DSCAM: variants seen among roughly 807,000 people sequenced by gnomAD.
DSCAM encodes cell adhesion molecule DSCAM.
DSCAM carries 47 observed loss-of-function variants against 217.7 expected under a neutral mutation model. The observed-to-expected ratio is 0.22, with a 90% CI of 0.17 to 0.28. DSCAM has a LOEUF of 0.28. DSCAM is among the 10% of genes least tolerant of loss of function. DSCAM has a pLI of 1.00. For synonymous variants in DSCAM, 1,056 were observed against 1,015.3 expected, an observed-to-expected ratio of 1.04 and a Z score of -0.76; for missense variants, 2,080 against 2,618.3, an observed-to-expected ratio of 0.79 and a Z score of 4.49.
At chr21:40,213,509 G>C (rs1229473568) in intron 11 of DSCAM, among the ~76,000 whole-genome samples, 1 of 152,202 alleles carries the variant, frequency 6.6e-6, no homozygotes, top group Non-Finnish European at 1.5e-5. Context: ...ACCTACATGT[G>C]ACCTGGGTAT....
chr21:40,296,102 G>A lies in DSCAM; in HGVS notation c.2135C>T (p.Ser712Phe). The A allele has an allele frequency of 6.2e-7, 1 of 1,614,140 alleles. No individual in the cohort carries two copies. The highest frequency in any genetic ancestry group is 1.3e-5 in the African/African-American group (1 of 75,060). Reference protein sequence around the residue: ...IYGKAVILNCSAEGYPVPTIV... With the variant: ...IYGKAVILNCFAEGYPVPTIV... The stretch of plus-strand genomic sequence containing the variant: ...GGTAGGTACAGGGTAACCCTCAGCA[G>A]AACAATTGAGGATGACTGCTTTGCC... Residue 712 changes from serine to phenylalanine, a missense_variant, in exon 10 of 33, where the codon TCT becomes TTT. Ser to Phe is a radical substitution (Grantham distance 155, BLOSUM62 -2). Coordinates refer to ENST00000400454, the MANE Select transcript of DSCAM (RefSeq NM_001389.5).
chr21:40,797,954 A>T (rs1000712656), intron 1 of DSCAM, among the ~76,000 whole-genome samples: 2 of 152,172 alleles, frequency 1.3e-5, no homozygotes, highest in African/African-American at 4.8e-5. Context: ...GACAAAAAAA[A>T]AAAGATCCTT....
Position 40,044,229 on chromosome 21 carries a change from G to A in DSCAM, c.5232C>T (p.Asn1744=). The change falls in exon 31 of 33, where the codon AAC becomes AAT. Residue 1744 remains asparagine, a synonymous_variant. Coordinates refer to ENST00000400454, the MANE Select transcript of DSCAM (RefSeq NM_001389.5). ...TGAGGGTCCACTGGCTGGCATAGCG[G>A]TTTCTCGCTGTGGGCCCAGCCTTGG... The part of the protein sequence containing the change: ...RNAKAGPTAR[N]RYASQWTLNR... 6.2e-7 allele frequency: 1 copy of A among 1,614,186 alleles called. No homozygotes were observed. Among genetic ancestry groups the A allele is most frequent in the Non-Finnish European group, 8.5e-7 (1 of 1,180,038 alleles).
intron 3 of DSCAM, among the ~76,000 whole-genome samples, chr21:40,602,406 T>G (rs748107432): frequency 5.3e-5 from 8 of 152,192 alleles, no homozygotes; most frequent in Non-Finnish European, 1.2e-4. Context: ...GTATCATTTT[T>G]TTTCTTTAAG....
chr21:40,771,002 G>A (rs1447162872), intron 1 of DSCAM, among the ~76,000 whole-genome samples: 1 of 152,188 alleles, frequency 6.6e-6, no homozygotes, highest in Non-Finnish European at 1.5e-5. Flanking sequence ...AAGCAGCCAA[G>A]GGGATCATGG....
At chr21:40,531,600 C>A (rs2076447456) in intron 3 of DSCAM, among the ~76,000 whole-genome samples, 2 of 152,206 alleles carry the variant, frequency 1.3e-5, no homozygotes, top group African/African-American at 4.8e-5. Context: ...CAGATTCCAA[C>A]AGGAAATTCC....
chr21:40,360,421 A>C (rs1217727745), intron 4 of DSCAM, among the ~76,000 whole-genome samples: 1 of 151,968 alleles, frequency 6.6e-6, no homozygotes, highest in African/African-American at 2.4e-5. Flanking sequence ...GGTGTGAGCC[A>C]CTGTGCCTGG....
At chr21:40,531,572 G>A (rs1315994385) in intron 3 of DSCAM, among the ~76,000 whole-genome samples, 2 of 152,300 alleles carry the variant, frequency 1.3e-5, no homozygotes, top group East Asian at 3.9e-4. Context: ...TCAGGGCAAG[G>A]GTGAAGGAAG....
intron 3 of DSCAM, among the ~76,000 whole-genome samples, chr21:40,548,710 A>C (rs1025376814): frequency 2.6e-5 from 4 of 152,154 alleles, no homozygotes; most frequent in African/African-American, 9.7e-5. Context: ...CCAGGGTCAC[A>C]GCCTTTCTAC....
intron 32 of DSCAM, among the ~76,000 whole-genome samples, chr21:40,017,445 C>A (rs186338216): frequency 2.6e-5 from 4 of 152,076 alleles, no homozygotes; most frequent in Non-Finnish European, 5.9e-5. Context: ...ATGACCCCAG[C>A]GACACTGGAC....
chr21:40,610,214 C>T (rs1442728956), intron 3 of DSCAM, among the ~76,000 whole-genome samples: 1 of 152,148 alleles, frequency 6.6e-6, no homozygotes, highest in Non-Finnish European at 1.5e-5. Flanking sequence ...GAAAAAAATG[C>T]CCACATTTCT....
intron 3 of DSCAM, chr21:40,383,914 T>G (rs529013106): frequency 1.3e-5 from 2 of 152,304 alleles, no homozygotes; most frequent in East Asian, 3.9e-4. Context: ...ATGACAAAGA[T>G]TTGAGAAGTA....
rs544678650 is a variant in DSCAM at position 40,687,578 on chromosome 21, G to A, written c.508+5232C>T. ...TCCCTCCCTCCCCACATGAGAATAC[G>A]GCATCCAATCTGCTCTTAGTTCTGG... On this transcript the variant is annotated intron_variant, in intron 3 of 32. Coordinates refer to ENST00000400454, the MANE Select transcript of DSCAM (RefSeq NM_001389.5). Among the ~76,000 whole-genome samples, 7 of 152,166 alleles carry A rather than the reference G, an allele frequency of 4.6e-5. No homozygotes were observed. In the South Asian group the frequency reaches 8.3e-4, roughly 18 times the overall value.
At chr21:40,020,737 G>T (rs1220100536) in intron 32 of DSCAM, among the ~76,000 whole-genome samples, 1 of 152,148 alleles carries the variant, frequency 6.6e-6, no homozygotes, top group African/African-American at 2.4e-5. Context: ...CGCACTGCCG[G>T]TTCCTTCCCA....
chr21:40,463,564 T>C (rs1452410374), intron 3 of DSCAM, among the ~76,000 whole-genome samples: 1 of 152,194 alleles, frequency 6.6e-6, no homozygotes, highest in Non-Finnish European at 1.5e-5. Context: ...GGGCATCCTC[T>C]GTAGACCCAA....
intron 32 of DSCAM, among the ~76,000 whole-genome samples, chr21:40,018,856 A>C (rs1422523628): frequency 6.6e-6 from 1 of 152,236 alleles, no homozygotes; most frequent in Non-Finnish European, 1.5e-5. Flanking sequence ...CAGGTCTGAC[A>C]AGTATCTCTG....
rs533631372 is a variant in DSCAM, at chr21:40,670,419, T to C, written c.508+22391A>G. 2.6e-5 allele frequency among the ~76,000 whole-genome samples: 4 copies of C among 151,944 alleles called. No individual in the cohort carries two copies. In the South Asian group the frequency reaches 8.3e-4, roughly 32 times the overall value. On this transcript the variant is annotated intron_variant, in intron 3 of 32. Transcript: ENST00000400454. ...TGGGTGTGGTGGCGTGTGCCTGTAG[T>C]CCCAGCTACCCAGGAGGCTGAGGCA...
chr21:40,845,842 G>A (rs982922733), intron 1 of DSCAM, among the ~76,000 whole-genome samples: 2 of 152,092 alleles, frequency 1.3e-5, no homozygotes, highest in Admixed American at 6.6e-5. Flanking sequence ...GCAGCCTAAG[G>A]TGCAGTCACA....
chr21:40,610,678 G>A (rs1394240554), intron 3 of DSCAM, among the ~76,000 whole-genome samples: 8 of 152,092 alleles, frequency 5.3e-5, no homozygotes, highest in Admixed American at 5.2e-4. Context: ...CCATGTCCAC[G>A]ACCTCAGGGC....
Sources: gnomAD v4.1 joint callset for allele counts (sites outside exome capture counted in the v4.1 genomes callset) on GRCh38, gnomAD v4.1.1 for gene constraint, MANE v1.5 for transcripts, NCBI Gene and HGNC (gene_info 2026-07-23, HGNC 2026-07-21) for gene names.